The following CHMP3 variants were observed in gnomAD, a reference collection of about 807,000 sequenced individuals.
The protein encoded by CHMP3 is charged multivesicular body protein 3, also known as 25.1 protein.
In CHMP3, 8 loss-of-function variants were observed where a neutral mutation model predicts 27.4. That is an observed-to-expected ratio of 0.29 (90% CI 0.17 to 0.53). CHMP3 has a LOEUF of 0.53. CHMP3 is among the 20% of genes least tolerant of loss of function. The pLI, the probability that CHMP3 is intolerant of heterozygous loss-of-function variation, is 0.96. For synonymous variants in CHMP3, 86 were observed against 85.5 expected (o/e 1.01, Z -0.03); for missense variants, 208 against 271.5 (o/e 0.77, Z 1.64).
At chr2:86,547,307 AAAT>A (rs1481110163) in intron 1 of CHMP3, among the ~76,000 whole-genome samples, 1 of 152,254 alleles carries the variant, frequency 6.6e-6, no homozygotes, top group East Asian at 1.9e-4. Flanking sequence ...TTTCAGCCAT[AAAT>A]AACACTTATG....
intron 3 of CHMP3, among the ~76,000 whole-genome samples, chr2:86,518,919 A>C (rs1280069720): frequency 2.0e-5 from 3 of 152,220 alleles, no homozygotes. Context: ...ACACTGTTTC[A>C]CTGGGAAAAA....
At position 86,510,456 on chromosome 2, in the gene CHMP3, G is replaced by A. The variant is rs753507067; in HGVS notation, c.310C>T (p.Leu104=). ...QLAVLRVAGS[L]QKSTEVMKAM... Reference sequence around the variant, plus strand: ...TTCATCACTTCTGTGCTCTTCTGCAGGGAACCAGCCACTCGCAAGACCGCT... The same window carrying A: ...TTCATCACTTCTGTGCTCTTCTGCAAGGAACCAGCCACTCGCAAGACCGCT... The change falls in exon 4 of 6, where the codon CTG becomes TTG. Residue 104 remains leucine, a synonymous_variant. Transcript: ENST00000263856. The A allele has an allele frequency of 1.4e-5, 23 of 1,613,482 alleles. No homozygotes were observed. Among genetic ancestry groups the A allele is most frequent in the Non-Finnish European group, 1.9e-5 (22 of 1,180,032 alleles).
intron 3 of CHMP3, chr2:86,527,288 T>C (rs1286851299): frequency 6.6e-6 from 1 of 151,444 alleles, no homozygotes; most frequent in Non-Finnish European, 1.5e-5. Flanking sequence ...GTATAATAGG[T>C]ACATAAAGAC....
intron 2 of CHMP3, among the ~76,000 whole-genome samples, chr2:86,533,208 A>T (rs866163802): frequency 1.3e-5 from 2 of 152,228 alleles, no homozygotes; most frequent in Non-Finnish European, 2.9e-5. Context: ...CAATTTATTA[A>T]CATACAATTG....
chr2:86,517,521 G>A (rs745875736), intron 3 of CHMP3, among the ~76,000 whole-genome samples: 56 of 145,874 alleles, frequency 3.8e-4, no homozygotes, highest in Non-Finnish European at 6.2e-4. Context: ...AGCCAAGATC[G>A]TGCCACCGCA....
intron 1 of CHMP3, among the ~76,000 whole-genome samples, chr2:86,556,295 T>C (rs1267618227): frequency 6.6e-6 from 1 of 152,158 alleles, no homozygotes; most frequent in Non-Finnish European, 1.5e-5. Context: ...ATCTAAAATA[T>C]ACATAAAACT....
chr2:86,514,655 T>C (rs911420755), intron 3 of CHMP3, among the ~76,000 whole-genome samples: 2 of 152,212 alleles, frequency 1.3e-5, no homozygotes, highest in African/African-American at 4.8e-5. Flanking sequence ...AATCAACAAA[T>C]AGGTGCTGAA....
intron 1 of CHMP3, among the ~76,000 whole-genome samples, chr2:86,548,614 ATC>A (rs1558659448): frequency 6.6e-6 from 1 of 151,998 alleles, no homozygotes; most frequent in African/African-American, 2.4e-5. Flanking sequence ...TAACCATCTG[ATC>A]TGTCTTTCTT....
At chr2:86,523,660 T>G (rs1675599327) in intron 3 of CHMP3, among the ~76,000 whole-genome samples, 1 of 152,000 alleles carries the variant, frequency 6.6e-6, no homozygotes, top group South Asian at 2.1e-4. Flanking sequence ...AAATCTAGCT[T>G]CCCCTACCCT....
Position 86,505,213 on chromosome 2 carries a change from G to A in CHMP3, c.*591C>T, listed in dbSNP as rs1674845191. The A allele has an allele frequency of 6.5e-6, 1 of 152,736 alleles. No individual in the cohort carries two copies. Among genetic ancestry groups the A allele is most frequent in the Non-Finnish European group, 1.5e-5 (1 of 68,220 alleles). The allele number at this position is 152,736 out of a possible 1,614,324, so 9.5% of individuals were successfully genotyped here. A position where few individuals can be genotyped will look rare whatever the true frequency, so the allele number is the denominator to read the frequency against. ...ACATAATGCAGCCACCAGCCAACAGGACAAGCAGCACAATTCCCCAGCATC... is the reference window on the plus strand; with the variant it reads ...ACATAATGCAGCCACCAGCCAACAGAACAAGCAGCACAATTCCCCAGCATC... On this transcript the variant is annotated 3_prime_UTR_variant, in exon 6 of 6. Coordinates refer to ENST00000263856, the MANE Select transcript of CHMP3 (RefSeq NM_016079.4).
chr2:86,510,326 TGGAAA>T (rs1429454286), intron 4 of CHMP3, 27 bp downstream of exon 4: 1 of 1,610,118 alleles, frequency 6.2e-7, no homozygotes, highest in Non-Finnish European at 8.5e-7. Flanking sequence ...CTCTGGGGTT[TGGAAA>T]GGAAAGCAGG....
chr2:86,522,054 C>G (rs116141095), intron 3 of CHMP3, among the ~76,000 whole-genome samples: 1 of 152,184 alleles, frequency 6.6e-6, no homozygotes, highest in Non-Finnish European at 1.5e-5. Flanking sequence ...ATCTGTCTTA[C>G]ACTGCAAGGA....
intron 1 of CHMP3, among the ~76,000 whole-genome samples, chr2:86,546,757 T>G (rs1676624540): frequency 6.6e-6 from 1 of 152,196 alleles, no homozygotes; most frequent in South Asian, 2.1e-4. Flanking sequence ...CATCTTTTCA[T>G]GTGCTTGTTG....
At chr2:86,552,178 T>C (rs1333233853) in intron 1 of CHMP3, among the ~76,000 whole-genome samples, 2 of 152,222 alleles carry the variant, frequency 1.3e-5, no homozygotes, top group Admixed American at 1.3e-4. Flanking sequence ...GTTAGAACTA[T>C]AACACACTAA....
chr2:86,525,371 G>A (rs373805103), intron 3 of CHMP3, among the ~76,000 whole-genome samples: 5 of 152,100 alleles, frequency 3.3e-5, no homozygotes, highest in African/African-American at 4.8e-5. Flanking sequence ...TGTGGGTTAC[G>A]CTACAGGTAA....
chr2:86,553,971 C>G (rs1267741322), intron 1 of CHMP3, among the ~76,000 whole-genome samples: 1 of 152,170 alleles, frequency 6.6e-6, no homozygotes, highest in Non-Finnish European at 1.5e-5. Context: ...TCCCCAAATT[C>G]GTATGTTGAA....
intron 2 of CHMP3, among the ~76,000 whole-genome samples, chr2:86,532,903 T>C (rs539295155): frequency 1.3e-5 from 2 of 152,344 alleles, no homozygotes; most frequent in South Asian, 2.1e-4. Context: ...TCTTGCAGCA[T>C]CTTTGTCTGA....
At chr2:86,517,067 G>A in intron 3 of CHMP3, among the ~76,000 whole-genome samples, 1 of 152,110 alleles carries the variant, frequency 6.6e-6, no homozygotes, top group Non-Finnish European at 1.5e-5. Context: ...GCAAATACAG[G>A]TGTACTACAT....
chr2:86,522,683 A>G (rs572172946), intron 3 of CHMP3, among the ~76,000 whole-genome samples: 1 of 151,880 alleles, frequency 6.6e-6, no homozygotes, highest in East Asian at 1.9e-4. Flanking sequence ...CTCCATTCTC[A>G]CTAGACTAAC....
Sources: allele counts gnomAD v4.1 joint callset (sites outside exome capture counted in the v4.1 genomes callset), GRCh38; gene constraint gnomAD v4.1.1; transcripts MANE v1.5; gene names NCBI Gene and HGNC (gene_info 2026-07-23, HGNC 2026-07-21).